The following PTPRD variants were observed in gnomAD, a reference collection of about 807,000 sequenced individuals.
PTPRD encodes the protein receptor-type tyrosine-protein phosphatase delta.
A neutral mutation model predicts 214.5 loss-of-function variants in PTPRD; 34 were observed. The observed-to-expected ratio is 0.16, with a 90% CI of 0.12 to 0.21. PTPRD has a LOEUF of 0.21. PTPRD is among the 10% of genes least tolerant of loss of function. PTPRD has a pLI of 1.00. For synonymous variants in PTPRD, 1,128 were observed against 845.7 expected, an observed-to-expected ratio of 1.33 and a Z score of -5.79; for missense variants, 2,545 against 2,398.7, an observed-to-expected ratio of 1.06 and a Z score of -1.27.
intron 36 of PTPRD, among the ~76,000 whole-genome samples, chr9:8,398,063 T>C (rs1236770320): frequency 6.6e-6 from 1 of 152,198 alleles, no homozygotes; most frequent in Non-Finnish European, 1.5e-5. Context: ...AGCTTTCTCA[T>C]TTGGATATTA....
chr9:9,874,451 C>A (rs115428870), intron 5 of PTPRD, among the ~76,000 whole-genome samples: 2 of 151,966 alleles, frequency 1.3e-5, no homozygotes, highest in Non-Finnish European at 2.9e-5. Context: ...ACATATGCAA[C>A]GCAGAACTGG....
At chr9:8,812,877 G>A (rs2096839941) in intron 11 of PTPRD, among the ~76,000 whole-genome samples, 1 of 151,942 alleles carries the variant, frequency 6.6e-6, no homozygotes, top group Non-Finnish European at 1.5e-5. Context: ...AACATAGCCT[G>A]ATGCAAACTC....
chr9:9,956,876 C>A (rs2093969251), intron 4 of PTPRD, among the ~76,000 whole-genome samples: 1 of 152,042 alleles, frequency 6.6e-6, no homozygotes, highest in South Asian at 2.1e-4. Context: ...AAATTGTAAT[C>A]AATATCAACT....
At chr9:9,882,229 GTC>G (rs2068970604) in intron 5 of PTPRD, among the ~76,000 whole-genome samples, 1 of 151,852 alleles carries the variant, frequency 6.6e-6, no homozygotes, top group Non-Finnish European at 1.5e-5. Flanking sequence ...TCATTATCAT[GTC>G]TCTCATTTTT....
chr9:8,569,514 C>T (rs976591649), intron 14 of PTPRD, among the ~76,000 whole-genome samples: 2 of 152,202 alleles, frequency 1.3e-5, no homozygotes, highest in East Asian at 1.9e-4. Context: ...ATTGGGCCTT[C>T]CAATTATCAC....
chr9:9,327,531 A>C (rs1033474470), intron 9 of PTPRD, among the ~76,000 whole-genome samples: 27 of 152,326 alleles, frequency 1.8e-4, no homozygotes, highest in African/African-American at 6.3e-4. Flanking sequence ...CAAAGCACAT[A>C]GTATAAAAAG....
At chr9:9,807,770 G>C (rs1476516944) in intron 5 of PTPRD, among the ~76,000 whole-genome samples, 1 of 152,042 alleles carries the variant, frequency 6.6e-6, no homozygotes, top group East Asian at 1.9e-4. Flanking sequence ...GGAAAACATA[G>C]GATTTCTACT....
intron 11 of PTPRD, among the ~76,000 whole-genome samples, chr9:8,834,356 G>A (rs899849162): frequency 6.6e-6 from 1 of 152,018 alleles, no homozygotes; most frequent in Non-Finnish European, 1.5e-5. Flanking sequence ...TGATTCACAT[G>A]ATAGTGTTTC....
At chr9:9,434,675 C>A (rs1299864882) in intron 8 of PTPRD, among the ~76,000 whole-genome samples, 1 of 151,848 alleles carries the variant, frequency 6.6e-6, no homozygotes, top group Non-Finnish European at 1.5e-5. Context: ...TAAAAATAGA[C>A]AGACCAATAG....
At chr9:10,334,597 G>T (rs958230365) in intron 3 of PTPRD, among the ~76,000 whole-genome samples, 4 of 151,494 alleles carry the variant, frequency 2.6e-5, no homozygotes, top group Non-Finnish European at 4.4e-5. Flanking sequence ...AATTTACTTT[G>T]TTTGAGAAGG....
At chr9:9,021,978 TG>T (rs1045496348) in intron 10 of PTPRD, among the ~76,000 whole-genome samples, 7 of 124,708 alleles carry the variant, frequency 5.6e-5, no homozygotes, top group Admixed American at 1.7e-4. Context: ...TGTAGCGGGG[TG>T]GGGGGCAAGG....
At chr9:8,645,367 T>G (rs1272055266) in intron 12 of PTPRD, among the ~76,000 whole-genome samples, 1 of 152,228 alleles carries the variant, frequency 6.6e-6, no homozygotes, top group African/African-American at 2.4e-5. Flanking sequence ...TTGGTATTAT[T>G]TTACTTATAC....
chr9:9,924,000 T>A (rs193036682), intron 5 of PTPRD, among the ~76,000 whole-genome samples: 1 of 152,042 alleles, frequency 6.6e-6, no homozygotes, highest in African/African-American at 2.4e-5. Context: ...TTCATTATTT[T>A]GTATATTTGA....
At chr9:8,917,056 T>TC (rs1189040155) in intron 11 of PTPRD, among the ~76,000 whole-genome samples, 2 of 143,896 alleles carry the variant, frequency 1.4e-5, no homozygotes, top group African/African-American at 5.0e-5. Flanking sequence ...TTTTCTTTCT[T>TC]TTTTTTTTTT....
chr9:9,937,790 T>C (rs957832661), intron 5 of PTPRD, among the ~76,000 whole-genome samples: 1 of 152,188 alleles, frequency 6.6e-6, no homozygotes, highest in Admixed American at 6.5e-5. Flanking sequence ...GTTCTTACAG[T>C]GTATGAAAAT....
intron 10 of PTPRD, among the ~76,000 whole-genome samples, chr9:9,041,652 G>C (rs78087213): frequency 0.014 from 2,193 of 152,274 alleles, 29 homozygotes; most frequent in East Asian, 0.039. Context: ...GAACTCAAAT[G>C]AGTAAATACA....
chr9:8,427,942 A>T (rs2094796443), intron 35 of PTPRD, among the ~76,000 whole-genome samples: 1 of 152,184 alleles, frequency 6.6e-6, no homozygotes, highest in Admixed American at 6.5e-5. Flanking sequence ...AATAGTTACT[A>T]AGACTACTGA....
intron 11 of PTPRD, among the ~76,000 whole-genome samples, chr9:8,992,556 C>A (rs1249841016): frequency 6.6e-6 from 1 of 152,058 alleles, no homozygotes; most frequent in Non-Finnish European, 1.5e-5. Context: ...GGTTATTTAG[C>A]ACAACGAATA....
intron 8 of PTPRD, among the ~76,000 whole-genome samples, chr9:9,514,804 G>A (rs1261789029): frequency 6.6e-6 from 1 of 151,968 alleles, no homozygotes; most frequent in Non-Finnish European, 1.5e-5. Flanking sequence ...GGCTTCAACT[G>A]CCTTTGCAGC....
Sources: gnomAD v4.1 joint callset for allele counts (sites outside exome capture counted in the v4.1 genomes callset) on GRCh38, gnomAD v4.1.1 for gene constraint, MANE v1.5 for transcripts, NCBI Gene and HGNC (gene_info 2026-07-23, HGNC 2026-07-21) for gene names.